The following AGBL1 variants were observed in gnomAD, a reference collection of about 807,000 sequenced individuals.
AGBL1 encodes the protein AGBL carboxypeptidase 1, also known as cytosolic carboxypeptidase 4.
In AGBL1, 130 loss-of-function variants were observed where a neutral mutation model predicts 118.9. The ratio of observed to expected loss-of-function variants is 1.09; its 90% CI spans 0.95 to 1.26. AGBL1 has a LOEUF of 1.26. Ranked by LOEUF, AGBL1 falls within the 50% of genes most tolerant of loss-of-function variation. The pLI is 0.00. For synonymous variants in AGBL1, 555 were observed against 478.9 expected, an observed-to-expected ratio of 1.16 and a Z score of -2.08; for missense variants, 1,584 against 1,298.1, an observed-to-expected ratio of 1.22 and a Z score of -3.38.
chr15:86,950,358 G>A (rs2080866904), intron 23 of AGBL1, among the ~76,000 whole-genome samples: 6 of 150,260 alleles, frequency 4.0e-5, no homozygotes, highest in Admixed American at 4.0e-4. Flanking sequence ...TTTACATTTG[G>A]GAAAGACTAA....
chr15:86,374,814 A>G (rs1468966651), intron 17 of AGBL1, among the ~76,000 whole-genome samples: 1 of 152,212 alleles, frequency 6.6e-6, no homozygotes, highest in Non-Finnish European at 1.5e-5. Flanking sequence ...AGCCTTTAGG[A>G]CGTTTTTTCC....
intron 21 of AGBL1, among the ~76,000 whole-genome samples, chr15:86,571,413 C>A (rs1013529280): frequency 6.6e-6 from 1 of 152,148 alleles, no homozygotes; most frequent in Non-Finnish European, 1.5e-5. Flanking sequence ...CGTTATTGAG[C>A]AATGGAATAG....
At chr15:86,371,392 G>T (rs1195870745) in intron 17 of AGBL1, among the ~76,000 whole-genome samples, 7 of 152,142 alleles carry the variant, frequency 4.6e-5, no homozygotes, top group Admixed American at 2.0e-4. Context: ...GAAGAGCTCT[G>T]CCTGGAGTGC....
intron 22 of AGBL1, among the ~76,000 whole-genome samples, chr15:86,676,234 G>C (rs1451772064): frequency 6.6e-6 from 1 of 152,024 alleles, no homozygotes; most frequent in African/African-American, 2.4e-5. Context: ...CATGGAGTTT[G>C]GTGTAGATCA....
At chr15:86,371,208 T>A (rs529220175) in intron 17 of AGBL1, among the ~76,000 whole-genome samples, 15 of 152,266 alleles carry the variant, frequency 9.9e-5, no homozygotes, top group Admixed American at 5.2e-4. Flanking sequence ...AGTGTTTTTT[T>A]AAAAAATTAA....
rs765940576 is a variant in AGBL1 at position 86,143,729 on chromosome 15, G to A, written c.146G>A (p.Ser49Asn). 20 of 1,613,696 alleles carry A rather than the reference G, an allele frequency of 1.2e-5. No homozygotes were observed. Among genetic ancestry groups the A allele is most frequent in the Non-Finnish European group, 1.7e-6 (2 of 1,179,764 alleles). Residue 49 changes from serine to asparagine, a missense_variant, in exon 3 of 23, where the codon AGC becomes AAC. Transcript: ENST00000614907. ...GTDRRIHYMI[S>N]KGGSEALLQT... is the part of the protein sequence containing the mutation. Reference sequence around the variant, plus strand: ...GACCGGAGAATTCACTACATGATCAGCAAGGGTGGCAGTGAAGCTCTTCTG... The same window carrying A: ...GACCGGAGAATTCACTACATGATCAACAAGGGTGGCAGTGAAGCTCTTCTG...
At chr15:86,812,989 T>C (rs765228945) in intron 22 of AGBL1, among the ~76,000 whole-genome samples, 2 of 152,016 alleles carry the variant, frequency 1.3e-5, no homozygotes, top group Admixed American at 6.6e-5. Context: ...AGGAAATTTC[T>C]GGGCAGAATT....
At chr15:86,739,443 C>CAAAA (rs34530266) in intron 22 of AGBL1, among the ~76,000 whole-genome samples, 17 of 66,540 alleles carry the variant, frequency 2.6e-4, no homozygotes, top group East Asian at 8.7e-4. Flanking sequence ...AACTCCATCT[C>CAAAA]AAAAAAAAAA....
intron 18 of AGBL1, among the ~76,000 whole-genome samples, chr15:86,445,386 C>T (rs2082109459): frequency 6.6e-6 from 1 of 152,228 alleles, no homozygotes; most frequent in African/African-American, 2.4e-5. Context: ...TTTGCTTCAG[C>T]CAAAGCAGGA....
At chr15:86,526,297 C>G (rs946425411) in intron 19 of AGBL1, among the ~76,000 whole-genome samples, 2 of 152,012 alleles carry the variant, frequency 1.3e-5, no homozygotes, top group Non-Finnish European at 2.9e-5. Flanking sequence ...CTATGAAAAA[C>G]AGTATGGTGA....
In AGBL1 at chr15:86,159,077, T is replaced by C. The variant is rs1265325312; in HGVS notation, c.488+51T>C. ...GCCCCTTTTGTAACAGATGGAGAGA[T>C]GGAGATTGCCCTACATGTATTTTCA... On this transcript the variant is annotated intron_variant, in intron 5 of 22. Transcript: ENST00000614907. 3.3e-6 allele frequency: 5 copies of C among 1,525,838 alleles called. No individual in the cohort carries two copies. The East Asian group carries it at 1.1e-4, about 34-fold the overall frequency. 94.5% of individuals were successfully genotyped at this position (1,525,838 alleles called of 1,614,324 possible). A position where few individuals can be genotyped will look rare whatever the true frequency, so the allele number is the denominator to read the frequency against.
intron 18 of AGBL1, among the ~76,000 whole-genome samples, chr15:86,456,198 T>C (rs1215503230): frequency 6.6e-6 from 1 of 152,218 alleles, no homozygotes; most frequent in Non-Finnish European, 1.5e-5. Context: ...CTTTTATTGC[T>C]GCCAATCTGA....
At chr15:86,995,823 A>G (rs996043325) in intron 24 of AGBL1, among the ~76,000 whole-genome samples, 21 of 152,128 alleles carry the variant, frequency 1.4e-4, no homozygotes, top group African/African-American at 4.3e-4. Flanking sequence ...ATTTTTAGTC[A>G]TCTTTTCATA....
chr15:86,148,961 G>A (rs1212218439), intron 3 of AGBL1, among the ~76,000 whole-genome samples: 2 of 152,142 alleles, frequency 1.3e-5, no homozygotes, highest in East Asian at 3.9e-4. Context: ...GAAGAGAGTG[G>A]GGGCCAATAT....
At chr15:86,287,209 C>T (rs1278024394) in intron 16 of AGBL1, among the ~76,000 whole-genome samples, 1 of 152,024 alleles carries the variant, frequency 6.6e-6, no homozygotes, top group Non-Finnish European at 1.5e-5. Context: ...TGTTTGTTTT[C>T]TTGTTACTGT....
chr15:86,324,245 T>C (rs1159140353), intron 17 of AGBL1, among the ~76,000 whole-genome samples: 1 of 152,172 alleles, frequency 6.6e-6, no homozygotes. Flanking sequence ...GTAAGCACTA[T>C]GATAGAAGCA....
At chr15:86,437,358 A>T (rs2082011743) in intron 18 of AGBL1, among the ~76,000 whole-genome samples, 1 of 152,194 alleles carries the variant, frequency 6.6e-6, no homozygotes, top group African/African-American at 2.4e-5. Context: ...GAAAAGAGAA[A>T]GCGCTTAAAT....
intron 18 of AGBL1, among the ~76,000 whole-genome samples, chr15:86,404,536 G>A (rs2081495860): frequency 6.6e-6 from 1 of 152,140 alleles, no homozygotes; most frequent in Non-Finnish European, 1.5e-5. Context: ...ATAATGACAT[G>A]CAGCAGTGGC....
chr15:86,409,044 A>T (rs975611449), intron 18 of AGBL1, among the ~76,000 whole-genome samples: 1 of 152,214 alleles, frequency 6.6e-6, no homozygotes, highest in Non-Finnish European at 1.5e-5. Context: ...TTTAAATTTT[A>T]AAAAATATGC....
Sources: gnomAD v4.1 joint callset for allele counts (sites outside exome capture counted in the v4.1 genomes callset) on GRCh38, gnomAD v4.1.1 for gene constraint, MANE v1.5 for transcripts, NCBI Gene and HGNC (gene_info 2026-07-23, HGNC 2026-07-21) for gene names.